HGF: variants seen among roughly 807,000 people sequenced by gnomAD.
HGF encodes the protein hepatocyte growth factor, also known as fibroblast-derived tumor cytotoxic factor.
In HGF, 39 loss-of-function variants were observed where a neutral mutation model predicts 111.6. That is an observed-to-expected ratio of 0.35 (90% confidence interval 0.27 to 0.46). The LOEUF is 0.46. Ranked by LOEUF, HGF falls within the 20% of genes least tolerant of loss-of-function variation. The pLI is 1.00. For missense variants in HGF, 735 were observed against 910.5 expected, an observed-to-expected ratio of 0.81 and a Z score of 2.48; for synonymous variants, 285 against 294.8, an observed-to-expected ratio of 0.97 and a Z score of 0.34.
intron 9 of HGF, among the ~76,000 whole-genome samples, chr7:81,722,408 G>A (rs1487270177): frequency 1.3e-5 from 2 of 151,296 alleles, no homozygotes; most frequent in Non-Finnish European, 3.0e-5. Flanking sequence ...CAAGTGATCC[G>A]CCCGCCTCGG....
intron 6 of HGF, among the ~76,000 whole-genome samples, chr7:81,744,051 A>G (rs1788120013): frequency 6.6e-6 from 1 of 152,134 alleles, no homozygotes; most frequent in South Asian, 2.1e-4. Flanking sequence ...TCTCACTTAA[A>G]CGACAAGACA....
In HGF at chr7:81,710,156, A is replaced by G. The variant is rs756776269; in HGVS notation, c.1532T>C (p.Leu511Ser). Residue 511 changes from leucine (L) to serine (S), a missense_variant, in exon 13 of 18, where the codon TTG becomes TCG. By Grantham distance (145) the Leu-to-Ser change is moderately radical. Around this residue, in one of 3 missense-constraint regions of HGF, gnomAD observed 553 missense variants for 685.6 expected, o/e 0.81. Transcript: ENST00000222390. ...TRTNIGWMVS[L>S]RYRNKHICGG... ...ATCTATTAATAATTACCTGTATCTCAAACTAACCATCCATCCTATGTTTGT... is the reference window on the plus strand; with the variant it reads ...ATCTATTAATAATTACCTGTATCTCGAACTAACCATCCATCCTATGTTTGT... 1.2e-6 allele frequency: 2 copies of G among 1,601,904 alleles called. No homozygotes were observed. Among genetic ancestry groups the G allele is most frequent in the Non-Finnish European group, 1.7e-6 (2 of 1,169,058 alleles).
At chr7:81,765,717 T>C (rs1251625200) in intron 1 of HGF, among the ~76,000 whole-genome samples, 1 of 152,142 alleles carries the variant, frequency 6.6e-6, no homozygotes, top group Non-Finnish European at 1.5e-5. Flanking sequence ...AAAACAGAAG[T>C]CATTCAAAAA....
chr7:81,701,583 T>C lies in HGF; in HGVS notation c.*998A>G, dbSNP rs1789280151. The C allele has an allele frequency of 6.6e-6, 1 of 151,552 alleles. No homozygotes were observed. The highest frequency in any genetic ancestry group is 1.5e-5 in the Non-Finnish European group (1 of 67,650). 9.4% of individuals were successfully genotyped at this position (151,552 alleles called of 1,614,324 possible). A position where few individuals can be genotyped will look rare whatever the true frequency, so the allele number is the denominator to read the frequency against. ...ACATTTTTAATGACCAAAACACTTT[T>C]AAACTTCTTCAATTAGATACTGATC... On this transcript the variant is annotated 3_prime_UTR_variant, in exon 18 of 18. Coordinates refer to ENST00000222390, the MANE Select transcript of HGF (RefSeq NM_000601.6).
chr7:81,714,369 A>G lies in HGF; in HGVS notation c.1406-2850T>C, dbSNP rs148292738. 7.3e-3 allele frequency among the ~76,000 whole-genome samples: 1,108 copies of G among 152,266 alleles called. 8 individuals carry two copies. Among genetic ancestry groups the G allele is most frequent in the Non-Finnish European group, 0.013 (862 of 68,012 alleles). On this transcript the variant is annotated intron_variant, in intron 11 of 17. Transcript: ENST00000222390. ...AATGAATGAACAAATAAAAACAGAG[A>G]TGGAAGTTAAGGTTTTGACTCTTTA... is the stretch of plus-strand genomic sequence containing the variant.
At chr7:81,736,714 C>T in intron 7 of HGF, 3 of 476,614 alleles carry the variant, frequency 6.3e-6, no homozygotes, top group Middle Eastern at 3.2e-4. Flanking sequence ...AAATATGAGG[C>T]AAAGGAAGAA....
chr7:81,727,956 AATTG>A lies in HGF; in HGVS notation c.1040+1645_1040+1648del, dbSNP rs375375100. 1.4e-4 allele frequency among the ~76,000 whole-genome samples: 21 copies of A among 152,288 alleles called. No homozygotes were observed. The East Asian group carries it at 3.7e-3, about 27-fold the overall frequency. The stretch of plus-strand genomic sequence containing the variant: ...AGGATGGTTTACAATTACTAAAGTA[AATTG>A]ATGATTTTATGATTCATGTCGATTC... On this transcript the variant is annotated intron_variant, in intron 8 of 17. Coordinates refer to ENST00000222390, the MANE Select transcript of HGF (RefSeq NM_000601.6).
intron 4 of HGF, among the ~76,000 whole-genome samples, chr7:81,754,867 A>C (rs1788684042): frequency 6.6e-6 from 1 of 152,114 alleles, no homozygotes; most frequent in Non-Finnish European, 1.5e-5. Context: ...TTACACACAA[A>C]GCATGTGCCA....
At chr7:81,763,826 A>C (rs1584017818) in intron 1 of HGF, among the ~76,000 whole-genome samples, 1 of 152,264 alleles carries the variant, frequency 6.6e-6, no homozygotes, top group Admixed American at 6.5e-5. Context: ...CTTATACCAA[A>C]GGCAGTAAGG....
At chr7:81,752,517 A>G (rs1427099291) in intron 4 of HGF, among the ~76,000 whole-genome samples, 1 of 152,064 alleles carries the variant, frequency 6.6e-6, no homozygotes, top group African/African-American at 2.4e-5. Flanking sequence ...TGCTGAGTCA[A>G]ACATTCTAGA....
intron 5 of HGF, among the ~76,000 whole-genome samples, chr7:81,749,670 A>C (rs1391697272): frequency 6.6e-6 from 1 of 152,042 alleles, no homozygotes; most frequent in Non-Finnish European, 1.5e-5. Flanking sequence ...GATCTATTGA[A>C]CTTATTCCTC....
Position 81,726,026 on chromosome 7 carries a change from A to T in HGF, c.1041-9T>A, listed in dbSNP as rs1387682395. ...AATTTTCTCGTAGGTCCCTATTGAG[A>T]ATAAGCATGTTAATGTAAATTGCCG... On this transcript the variant is annotated splice_polypyrimidine_tract_variant and intron_variant, in intron 8 of 17. Coordinates refer to ENST00000222390, the MANE Select transcript of HGF (RefSeq NM_000601.6). 2 of 1,613,708 alleles carry T rather than the reference A, an allele frequency of 1.2e-6. No homozygotes were observed. Among genetic ancestry groups the T allele is most frequent in the Non-Finnish European group, 1.7e-6 (2 of 1,179,734 alleles).
chr7:81,759,561 G>A (rs1788956296), intron 2 of HGF, among the ~76,000 whole-genome samples: 1 of 152,086 alleles, frequency 6.6e-6, no homozygotes, highest in South Asian at 2.1e-4. Flanking sequence ...CTGGAGTGCA[G>A]TGGTGTGATC....
At chr7:81,761,624 T>TA (rs1416230425) in intron 2 of HGF, among the ~76,000 whole-genome samples, 1 of 151,258 alleles carries the variant, frequency 6.6e-6, no homozygotes, top group Non-Finnish European at 1.5e-5. Flanking sequence ...AATGAAGAAC[T>TA]AAAAAAATGT....
intron 5 of HGF, among the ~76,000 whole-genome samples, chr7:81,746,216 C>A (rs1788245558): frequency 6.6e-6 from 1 of 152,166 alleles, no homozygotes; most frequent in African/African-American, 2.4e-5. Flanking sequence ...CTGAAACATG[C>A]AACAACTTGG....
At chr7:81,760,238 G>A (rs776987576) in intron 2 of HGF, among the ~76,000 whole-genome samples, 8 of 152,116 alleles carry the variant, frequency 5.3e-5, no homozygotes, top group Non-Finnish European at 8.8e-5. Context: ...TTGATGGCAG[G>A]AAGGCAATTC....
chr7:81,760,688 T>TGC (rs1789025238), intron 2 of HGF, among the ~76,000 whole-genome samples: 23 of 140,116 alleles, frequency 1.6e-4, no homozygotes, highest in African/African-American at 6.2e-4. Flanking sequence ...TGCGTGTGTG[T>TGC]GTGTGTGTGT....
In HGF at chr7:81,765,364, A is replaced by C. The variant is rs148609284; in HGVS notation, c.89-2492T>G. On this transcript the variant is annotated intron_variant, in intron 1 of 17. Transcript: ENST00000222390. ...ATGTTTTGTTGTACCTCACAAAAAC[A>C]GTCTACCCTTGCTTGCTGACAAATT... is the stretch of plus-strand genomic sequence containing the variant. Among the ~76,000 whole-genome samples the C allele has an allele frequency of 3.5e-3, 532 of 152,288 alleles. 6 individuals are homozygous for C. Among genetic ancestry groups the C allele is most frequent in the South Asian group, 0.028 (135 of 4,828 alleles).
Position 81,757,218 on chromosome 7 carries a change from G to C in HGF, c.453C>G (p.Pro151=). Residue 151 remains proline, a synonymous_variant, in exon 4 of 18, where the codon CCC becomes CCG. Coordinates refer to ENST00000222390, the MANE Select transcript of HGF (RefSeq NM_000601.6). Reference sequence around the variant, plus strand: ...GTTCGTGTGGTATCATGGAACTCCAGGGCTGACATTTGATGCCACTCTTAG... The same window carrying C: ...GTTCGTGTGGTATCATGGAACTCCACGGCTGACATTTGATGCCACTCTTAG... ...SITKSGIKCQ[P]WSSMIPHEHS... 6.3e-7 allele frequency: 1 copy of C among 1,599,848 alleles called. No individual in the cohort carries two copies. The highest frequency in any genetic ancestry group is 8.6e-7 in the Non-Finnish European group (1 of 1,167,040).
Sources: allele counts gnomAD v4.1 joint callset (sites outside exome capture counted in the v4.1 genomes callset), GRCh38; gene constraint gnomAD v4.1.1; regional missense constraint gnomAD v4.1.1; transcripts MANE v1.5; gene names NCBI Gene and HGNC (gene_info 2026-07-23, HGNC 2026-07-21).